The following ARHGAP24 variants were observed in gnomAD, a reference collection of about 807,000 sequenced individuals.
ARHGAP24 encodes Rho GTPase activating protein 24, also known as rho GTPase-activating protein 24.
ARHGAP24 carries 50 observed loss-of-function variants against 76.4 expected under a neutral mutation model. The ratio of observed to expected loss-of-function variants is 0.65; its 90% CI spans 0.52 to 0.83. The LOEUF is 0.83. Ranked by LOEUF, ARHGAP24 falls within the 40% of genes least tolerant of loss-of-function variation. The pLI is 0.00. For synonymous variants in ARHGAP24, 345 were observed against 323.3 expected (o/e 1.07, Z -0.72); for missense variants, 930 against 914.2 (o/e 1.02, Z -0.22).
intron 7 of ARHGAP24, 103 bp downstream of exon 7, chr4:85,975,064 C>CT (rs1739245497): frequency 1.0e-6 from 1 of 998,812 alleles, no homozygotes; most frequent in Admixed American, 1.8e-5. Flanking sequence ...ACTTCGAGCC[C>CT]TAGTGTTGGC....
intron 3 of ARHGAP24, chr4:85,722,205 C>A (rs756924345): frequency 4.3e-6 from 2 of 463,006 alleles, no homozygotes; most frequent in Non-Finnish European, 8.0e-6. Flanking sequence ...CCATGAGACT[C>A]CATAGTTGAC....
intron 3 of ARHGAP24, among the ~76,000 whole-genome samples, chr4:85,873,783 G>T (rs1440165830): frequency 1.3e-5 from 2 of 152,138 alleles, no homozygotes; most frequent in African/African-American, 4.8e-5. Context: ...CACTGAAGCT[G>T]ATGTCTGCTT....
chr4:85,564,010 C>T (rs1216455683), intron 1 of ARHGAP24, among the ~76,000 whole-genome samples: 2 of 152,174 alleles, frequency 1.3e-5, no homozygotes, highest in Non-Finnish European at 2.9e-5. Context: ...TATCACTCCA[C>T]TGATTGACTT....
intron 5 of ARHGAP24, among the ~76,000 whole-genome samples, chr4:85,946,178 A>T (rs1277462394): frequency 6.6e-6 from 1 of 152,196 alleles, no homozygotes; most frequent in Non-Finnish European, 1.5e-5. Context: ...ACCTCCCACC[A>T]GGGTCCTCCC....
chr4:85,600,667 T>A (rs556276463), intron 2 of ARHGAP24, among the ~76,000 whole-genome samples: 29 of 152,326 alleles, frequency 1.9e-4, no homozygotes, highest in South Asian at 1.0e-3. Flanking sequence ...ATCCAGGAAT[T>A]TCTGTGCTAA....
chr4:85,995,053 G>T lies in ARHGAP24; in HGVS notation c.1399G>T (p.Val467Leu). 6.2e-7 allele frequency: 1 copy of T among 1,614,088 alleles called. No homozygotes were observed. The highest frequency in any genetic ancestry group is 1.1e-5 in the South Asian group (1 of 91,074). Residue 467 changes from valine to leucine, a missense_variant, in exon 9 of 10, where the codon GTA becomes TTA. Physicochemically the swap from Val to Leu is conservative, Grantham distance 32. Coordinates refer to ENST00000395184, the MANE Select transcript of ARHGAP24 (RefSeq NM_001025616.3). ...GGCCAGAAGGAGCTCTTCACTGAAG[G>T]TATCTGGTACCAAAATGGGCACGCA... Reference protein sequence around the residue: ...LQARRSSSLKVSGTKMGTHSV... With the variant: ...LQARRSSSLKLSGTKMGTHSV...
intron 2 of ARHGAP24, among the ~76,000 whole-genome samples, chr4:85,697,858 G>A (rs1723927585): frequency 6.6e-6 from 1 of 152,196 alleles, no homozygotes; most frequent in South Asian, 2.1e-4. Context: ...GAGGTGAAGG[G>A]AGGTGTCAGA....
chr4:85,992,171 G>A, intron 8 of ARHGAP24: 1 of 397,600 alleles, frequency 2.5e-6, no homozygotes. Context: ...ATTCTAAGAA[G>A]AAAATGACAG....
intron 4 of ARHGAP24, among the ~76,000 whole-genome samples, chr4:85,939,814 A>C (rs1294265699): frequency 6.6e-6 from 1 of 152,102 alleles, no homozygotes; most frequent in Non-Finnish European, 1.5e-5. Flanking sequence ...ATGGTCATTG[A>C]ATTGCAACAT....
At chr4:85,627,481 CT>C (rs1009819745) in intron 2 of ARHGAP24, among the ~76,000 whole-genome samples, 89 of 152,294 alleles carry the variant, frequency 5.8e-4, no homozygotes, top group African/African-American at 2.1e-3. Flanking sequence ...CAGTCTGCAC[CT>C]ACTGGTTGGT....
chr4:85,595,911 A>G (rs1216401196), intron 2 of ARHGAP24, among the ~76,000 whole-genome samples: 1 of 152,050 alleles, frequency 6.6e-6, no homozygotes, highest in Non-Finnish European at 1.5e-5. Context: ...ATGATGATCT[A>G]AAAGATAACA....
intron 3 of ARHGAP24, among the ~76,000 whole-genome samples, chr4:85,820,035 G>A (rs746875241): frequency 5.3e-5 from 8 of 152,140 alleles, no homozygotes; most frequent in Non-Finnish European, 8.8e-5. Flanking sequence ...GTAGCAATGC[G>A]AGAACAGACT....
chr4:85,732,887 T>A (rs1323922381), intron 3 of ARHGAP24, among the ~76,000 whole-genome samples: 1 of 150,408 alleles, frequency 6.6e-6, no homozygotes, highest in Non-Finnish European at 1.5e-5. Context: ...TTTTAGTATT[T>A]ATTTTTCTCC....
intron 3 of ARHGAP24, among the ~76,000 whole-genome samples, chr4:85,777,039 G>A (rs1017339241): frequency 6.6e-6 from 1 of 152,116 alleles, no homozygotes; most frequent in African/African-American, 2.4e-5. Flanking sequence ...AATCAAATGA[G>A]AATAAAAGGA....
At chr4:85,634,013 C>A (rs896159165) in intron 2 of ARHGAP24, among the ~76,000 whole-genome samples, 1 of 151,824 alleles carries the variant, frequency 6.6e-6, no homozygotes, top group Non-Finnish European at 1.5e-5. Context: ...TTTTACAATT[C>A]CTCCTATGTA....
chr4:85,487,395 CAT>C (rs1723119369), intron 1 of ARHGAP24, among the ~76,000 whole-genome samples: 1 of 105,354 alleles, frequency 9.5e-6, no homozygotes, highest in Admixed American at 1.4e-4. Flanking sequence ...ATTATATAAA[CAT>C]GTAAATATAT....
intron 3 of ARHGAP24, among the ~76,000 whole-genome samples, chr4:85,881,098 A>G (rs1733226331): frequency 6.6e-6 from 1 of 152,194 alleles, no homozygotes; most frequent in Admixed American, 6.5e-5. Context: ...GAACACAGGC[A>G]CTGTGATACC....
chr4:85,733,060 C>CTTTTTTTTTTTTTTTTTT lies in ARHGAP24; in HGVS notation c.268+11092_268+11109dup, dbSNP rs1210109366. Among the ~76,000 whole-genome samples the CTTTTTTTTTTTTTTTTTT allele has an allele frequency of 4.3e-3, 239 of 55,210 alleles. 81 individuals are homozygous for CTTTTTTTTTTTTTTTTTT. Among genetic ancestry groups the CTTTTTTTTTTTTTTTTTT allele is most frequent in the South Asian group, 6.9e-3 (6 of 868 alleles). 36.2% of individuals were successfully genotyped at this position (55,210 alleles called of 152,430 possible). A position where few individuals can be genotyped will look rare whatever the true frequency, so the allele number is the denominator to read the frequency against. ...CTATAGATCTTATAGGCCTCACCAA[C>CTTTTTTTTTTTTTTTTTT]TTTTTTTTTTTTTTTTTTTTTGAGA... On this transcript the variant is annotated intron_variant, in intron 3 of 9. Transcript: ENST00000395184.
At chr4:85,745,527 G>C (rs537775390) in intron 3 of ARHGAP24, among the ~76,000 whole-genome samples, 12 of 149,050 alleles carry the variant, frequency 8.1e-5, no homozygotes, top group Non-Finnish European at 1.2e-4. Context: ...GGAGTTCAAG[G>C]CTTCAATGAG....
Sources: allele counts gnomAD v4.1 joint callset (sites outside exome capture counted in the v4.1 genomes callset), GRCh38; gene constraint gnomAD v4.1.1; transcripts MANE v1.5; gene names NCBI Gene and HGNC (gene_info 2026-07-23, HGNC 2026-07-21).